Variants in TENM2 observed in about 807,000 individuals in gnomAD.
TENM2 encodes teneurin transmembrane protein 2.
TENM2 carries 52 observed loss-of-function variants against 245.2 expected under a neutral mutation model. The observed-to-expected ratio is 0.21, with a 90% confidence interval of 0.17 to 0.27. The LOEUF (loss-of-function observed/expected upper bound fraction) is 0.27. Ranked by LOEUF, TENM2 falls within the 10% of genes least tolerant of loss-of-function variation. The pLI is 1.00. For missense variants in TENM2, 3,046 were observed against 3,666.8 expected (o/e 0.83, Z 4.37); for synonymous variants, 1,363 against 1,438.9 (o/e 0.95, Z 1.19).
intron 2 of TENM2, among the ~76,000 whole-genome samples, chr5:167,658,626 T>G (rs1390799102): frequency 6.6e-6 from 1 of 152,108 alleles, no homozygotes; most frequent in Non-Finnish European, 1.5e-5. Flanking sequence ...ACCACAGCAA[T>G]GCCAAAATTG....
At chr5:167,876,105 C>G in exon 3 of TENM2, 1 of 1,551,574 alleles carries the variant, frequency 6.4e-7, no homozygotes, top group Non-Finnish European at 8.7e-7. Context: ...CACCTCCCAT[C>G]AAATCATGGA....
At chr5:167,588,392 C>T (rs1057000940) in intron 2 of TENM2, among the ~76,000 whole-genome samples, 4 of 152,208 alleles carry the variant, frequency 2.6e-5, no homozygotes, top group African/African-American at 9.7e-5. Flanking sequence ...TATATTTCTA[C>T]ACAGACTGTG....
intron 2 of TENM2, among the ~76,000 whole-genome samples, chr5:167,452,352 C>G (rs1582086904): frequency 6.6e-6 from 1 of 152,254 alleles, no homozygotes; most frequent in Admixed American, 6.5e-5. Flanking sequence ...GCATTATACG[C>G]AAGTCAGGGA....
At chr5:167,292,624 G>T (rs577916907) in intron 1 of TENM2, among the ~76,000 whole-genome samples, 1 of 152,214 alleles carries the variant, frequency 6.6e-6, no homozygotes, top group South Asian at 2.1e-4. Flanking sequence ...CCCTCAAATT[G>T]ATTCAAAAAT....
chr5:167,966,783 G>GT (rs1781416007), intron 4 of TENM2, among the ~76,000 whole-genome samples: 1 of 152,088 alleles, frequency 6.6e-6, no homozygotes, highest in African/African-American at 2.4e-5. Flanking sequence ...TTTTTTGTTT[G>GT]TTTTTTAATG....
rs113902449 is a variant in TENM2 at position 167,725,760 on chromosome 5, C to T, written c.503-150226C>T. Among the ~76,000 whole-genome samples the T allele has an allele frequency of 2.3e-3, 352 of 152,266 alleles. 1 individual carries two copies. The highest frequency in any genetic ancestry group is 8.1e-3 in the African/African-American group (335 of 41,552). On this transcript the variant is annotated intron_variant, in intron 2 of 28. Coordinates refer to ENST00000518659, the Ensembl canonical transcript of TENM2. ...TTTCTAAGTGCATCTGTTACCACTTCCTACAGGTCAGGGTCACGCTTAAGC... is the reference window on the plus strand; with the variant it reads ...TTTCTAAGTGCATCTGTTACCACTTTCTACAGGTCAGGGTCACGCTTAAGC...
intron 2 of TENM2, among the ~76,000 whole-genome samples, chr5:167,839,829 T>C (rs946908868): frequency 1.3e-5 from 2 of 152,228 alleles, no homozygotes; most frequent in African/African-American, 2.4e-5. Flanking sequence ...CTTTCCTCTC[T>C]TTTTTGAGAT....
intron 2 of TENM2, among the ~76,000 whole-genome samples, chr5:167,622,463 A>G (rs190561024): frequency 2.6e-5 from 4 of 152,268 alleles, no homozygotes; most frequent in African/African-American, 9.6e-5. Flanking sequence ...ATACTGGCAA[A>G]GGTATAGATT....
chr5:168,175,582 T>C (rs1461058106), intron 13 of TENM2, among the ~76,000 whole-genome samples: 1 of 152,204 alleles, frequency 6.6e-6, no homozygotes, highest in African/African-American at 2.4e-5. Context: ...AGAGGTTAAC[T>C]TGCCCAGAGT....
intron 1 of TENM2, among the ~76,000 whole-genome samples, chr5:167,316,746 C>G (rs539217606): frequency 6.6e-6 from 1 of 152,210 alleles, no homozygotes; most frequent in Admixed American, 6.5e-5. Flanking sequence ...ATTTTTCTGT[C>G]TTTTTAAAGC....
chr5:168,067,824 G>A (rs574949635), intron 7 of TENM2, among the ~76,000 whole-genome samples: 9 of 152,236 alleles, frequency 5.9e-5, no homozygotes, highest in East Asian at 5.8e-4. Flanking sequence ...GAAATGTGGA[G>A]GCAATGCCAG....
intron 3 of TENM2, among the ~76,000 whole-genome samples, chr5:167,933,556 A>T (rs1303169128): frequency 6.6e-6 from 1 of 152,210 alleles, no homozygotes; most frequent in Non-Finnish European, 1.5e-5. Flanking sequence ...ATTTGGAATT[A>T]TTATATCCAC....
At chr5:167,501,009 T>C (rs1253340558) in intron 2 of TENM2, among the ~76,000 whole-genome samples, 4 of 152,152 alleles carry the variant, frequency 2.6e-5, no homozygotes, top group Non-Finnish European at 5.9e-5. Context: ...GATAACCAAG[T>C]GTGGGCCTTC....
At chr5:168,253,759 G>A (rs1007815984) in intron 27 of TENM2, among the ~76,000 whole-genome samples, 3 of 152,220 alleles carry the variant, frequency 2.0e-5, no homozygotes, top group African/African-American at 7.2e-5. Flanking sequence ...TATGGACTTG[G>A]AGGTGGGGAG....
At chr5:167,580,921 G>A (rs1216584541) in intron 2 of TENM2, among the ~76,000 whole-genome samples, 3 of 152,152 alleles carry the variant, frequency 2.0e-5, no homozygotes, top group Non-Finnish European at 2.9e-5. Context: ...CCCAGGAGGC[G>A]GACGTTGTAG....
the TENM2 span, among the ~76,000 whole-genome samples, chr5:167,191,014 A>C: frequency 6.6e-6 from 1 of 151,864 alleles, no homozygotes; most frequent in Non-Finnish European, 1.5e-5. Context: ...GTTTTCATTT[A>C]TTTTGTGTTT....
At chr5:167,682,063 T>C (rs1348048993) in intron 2 of TENM2, among the ~76,000 whole-genome samples, 1 of 134,782 alleles carries the variant, frequency 7.4e-6, no homozygotes, top group Non-Finnish European at 1.5e-5. Flanking sequence ...TCTTCCTTCC[T>C]TCCTTCTTTC....
chr5:167,824,180 G>A (rs1238734366), intron 2 of TENM2, among the ~76,000 whole-genome samples: 1 of 152,172 alleles, frequency 6.6e-6, no homozygotes, highest in African/African-American at 2.4e-5. Flanking sequence ...AGTTGCCAAG[G>A]AGGTCCCTTC....
chr5:168,077,525 C>A (rs544275489), intron 7 of TENM2, among the ~76,000 whole-genome samples: 1 of 151,964 alleles, frequency 6.6e-6, no homozygotes, highest in South Asian at 2.1e-4. Context: ...TGTGCTGCAC[C>A]CATTAACTAG....
Sources: gnomAD v4.1 joint callset for allele counts (sites outside exome capture counted in the v4.1 genomes callset) on GRCh38, gnomAD v4.1.1 for gene constraint, MANE v1.5 for transcripts, NCBI Gene and HGNC (gene_info 2026-07-23, HGNC 2026-07-21) for gene names.